CACNA1C: variants seen among roughly 807,000 people sequenced by gnomAD.
CACNA1C encodes the protein calcium voltage-gated channel subunit alpha1 C, also known as voltage-dependent L-type calcium channel subunit alpha-1C.
In CACNA1C, 30 loss-of-function variants were observed where a neutral mutation model predicts 229.0. The ratio of observed to expected loss-of-function variants is 0.13; its 90% CI spans 0.10 to 0.18. The LOEUF is 0.18. Ranked by LOEUF, CACNA1C falls within the 10% of genes least tolerant of loss-of-function variation. The pLI is 1.00. For synonymous variants in CACNA1C, 1,114 were observed against 1,132.5 expected, an observed-to-expected ratio of 0.98 and a Z score of 0.33; for missense variants, 1,658 against 2,845.0, an observed-to-expected ratio of 0.58 and a Z score of 9.49.
At chr12:2,142,585 G>T (rs1343596777) in intron 3 of CACNA1C, among the ~76,000 whole-genome samples, 2 of 151,362 alleles carry the variant, frequency 1.3e-5, no homozygotes, top group African/African-American at 4.8e-5. Flanking sequence ...GTAGCCATAA[G>T]AAGGCATTGT....
intron 1 of CACNA1C, among the ~76,000 whole-genome samples, chr12:2,003,714 C>T (rs988104422): frequency 3.3e-5 from 5 of 152,204 alleles, no homozygotes; most frequent in African/African-American, 1.2e-4. Flanking sequence ...CATCAGCTTC[C>T]TTCTAAGTGT....
intron 1 of CACNA1C, among the ~76,000 whole-genome samples, chr12:2,102,679 C>T (rs4765892): frequency 0.57 from 87,193 of 151,932 alleles, 26,195 homozygotes; most frequent in Non-Finnish European, 0.66. Context: ...TGGTTTGCTT[C>T]GCCCATCAAC....
Position 2,512,866 on chromosome 12 carries a change from G to T in CACNA1C, c.1272G>T (p.Leu424=), listed in dbSNP as rs781649145. The T allele has an allele frequency of 5.0e-6, 8 of 1,613,522 alleles. No individual in the cohort carries two copies. The highest frequency in any genetic ancestry group is 6.8e-6 in the Non-Finnish European group (8 of 1,179,698). ...AGGCCCGGGGAGATTTCCAGAAGCT[G>T]CGGGAGAAGCAGCAGCTAGAAGAGG... ...KAKARGDFQK[L]REKQQLEEDL... is the part of the protein sequence containing the mutation. The change falls in exon 9 of 47, where the codon CTG becomes CTT. Residue 424 remains leucine, a synonymous_variant. Coordinates refer to ENST00000399655, the MANE Select transcript of CACNA1C (RefSeq NM_000719.7). The surrounding 1 kb of genome is among the most constrained non-coding windows in gnomAD (Gnocchi z 4.3).
At chr12:2,456,553 T>C (rs1287763496) in intron 4 of CACNA1C, among the ~76,000 whole-genome samples, 3 of 152,192 alleles carry the variant, frequency 2.0e-5, no homozygotes, top group Non-Finnish European at 4.4e-5. Context: ...CTGCTGTTCC[T>C]CTAACGCACA....
At chr12:2,450,457 G>C (rs980282443) in intron 4 of CACNA1C, among the ~76,000 whole-genome samples, 3 of 148,838 alleles carry the variant, frequency 2.0e-5, no homozygotes, top group African/African-American at 5.0e-5. Flanking sequence ...GGGAGGCTGA[G>C]GCAGGAGAAT....
chr12:2,173,428 A>G (rs1014192744), intron 3 of CACNA1C, among the ~76,000 whole-genome samples: 2 of 152,238 alleles, frequency 1.3e-5, no homozygotes, highest in Non-Finnish European at 2.9e-5. Context: ...TTTATCATCC[A>G]AATTGGGATA....
chr12:2,091,540 A>G (rs146170680), intron 1 of CACNA1C, among the ~76,000 whole-genome samples: 7 of 152,294 alleles, frequency 4.6e-5, no homozygotes, highest in East Asian at 3.9e-4. Flanking sequence ...AAAGAGAACA[A>G]TGTAGCATCT....
intron 1 of CACNA1C, among the ~76,000 whole-genome samples, chr12:2,047,668 G>C (rs947073534): frequency 2.6e-5 from 4 of 152,222 alleles, no homozygotes; most frequent in Non-Finnish European, 5.9e-5. Context: ...AAGTAACCTG[G>C]TCACAGGTGG....
At position 2,504,315 on chromosome 12, in the gene CACNA1C, C is replaced by A; in HGVS notation, c.1114-527C>A. On this transcript the variant is annotated intron_variant, in intron 7 of 46. Transcript: ENST00000399655. The surrounding 1 kb of genome is among the most constrained non-coding windows in gnomAD (Gnocchi z 6.8). ...TGGGTAACACGGGTAACCTGGTGCA[C>A]ATGAACAAAGCCCACGTTCAGCCCC... The A allele has an allele frequency of 1.5e-6, 1 of 662,392 alleles. No homozygotes were observed. The highest frequency in any genetic ancestry group is 2.8e-6 in the Non-Finnish European group (1 of 360,906). 41.0% of individuals were successfully genotyped at this position (662,392 alleles called of 1,614,324 possible).
chr12:2,610,661 G>A lies in CACNA1C; in HGVS notation c.3679G>A (p.Val1227Ile), dbSNP rs373124557. The A allele has an allele frequency of 4.2e-5, 67 of 1,614,084 alleles. 1 individual carries two copies. Among genetic ancestry groups the A allele is most frequent in the African/African-American group, 9.3e-5 (7 of 74,924 alleles). The change falls in exon 28 of 47, where the codon GTC (valine) becomes ATC (isoleucine). Residue 1227 changes from valine to isoleucine, a missense_variant. This residue lies in a region of CACNA1C where 67 missense variants were observed against 106.4 expected (regional missense o/e 0.63). Transcript: ENST00000399655. The part of the protein sequence containing the change: ...NSTYFEYLMF[V>I]LILLNTICLA... ...CACCTACTTCGAGTACCTGATGTTC[G>A]TCCTCATCCTGCTCAACACCATCTG...
At chr12:2,207,399 T>C (rs2097783172) in intron 3 of CACNA1C, among the ~76,000 whole-genome samples, 1 of 152,246 alleles carries the variant, frequency 6.6e-6, no homozygotes, top group Non-Finnish European at 1.5e-5. Flanking sequence ...TACTATATAA[T>C]AGACATTATG....
chr12:2,153,601 TA>T (rs2095405503), intron 3 of CACNA1C, among the ~76,000 whole-genome samples: 1 of 152,162 alleles, frequency 6.6e-6, no homozygotes, highest in South Asian at 2.1e-4. Context: ...TAGTTTTGGC[TA>T]AGTCATGGGA....
chr12:2,253,970 C>T (rs2076497500), intron 3 of CACNA1C, among the ~76,000 whole-genome samples: 1 of 152,102 alleles, frequency 6.6e-6, no homozygotes, highest in Admixed American at 6.6e-5. Flanking sequence ...AGCAACAGTA[C>T]TGGGATCCAG....
intron 4 of CACNA1C, among the ~76,000 whole-genome samples, chr12:2,457,059 G>T (rs2099431158): frequency 6.6e-6 from 1 of 152,176 alleles, no homozygotes; most frequent in Non-Finnish European, 1.5e-5. Context: ...TCATTCATTT[G>T]CGCAGCACGC....
chr12:2,217,016 C>T (rs375745048), intron 3 of CACNA1C, among the ~76,000 whole-genome samples: 214 of 152,230 alleles, frequency 1.4e-3, no homozygotes, highest in Non-Finnish European at 2.7e-3. Flanking sequence ...AGTATTCATT[C>T]GTGGATAAAT....
At chr12:2,361,173 A>G (rs1197476457) in intron 3 of CACNA1C, among the ~76,000 whole-genome samples, 2 of 152,112 alleles carry the variant, frequency 1.3e-5, no homozygotes, top group East Asian at 3.8e-4. Context: ...GTACTTTAAA[A>G]AAAAAAAAAG....
chr12:2,553,882 C>T (rs950824741), intron 10 of CACNA1C, among the ~76,000 whole-genome samples: 1 of 152,206 alleles, frequency 6.6e-6, no homozygotes, highest in Non-Finnish European at 1.5e-5. Context: ...GGAGTGGAAG[C>T]AATTCTATGC....
intron 3 of CACNA1C, among the ~76,000 whole-genome samples, chr12:2,322,383 C>G (rs1053076098): frequency 6.6e-6 from 1 of 152,210 alleles, no homozygotes; most frequent in Admixed American, 6.5e-5. Flanking sequence ...CACATTGACT[C>G]TGGAGACTAC....
At chr12:2,378,009 A>G (rs898823025) in intron 3 of CACNA1C, among the ~76,000 whole-genome samples, 9 of 152,190 alleles carry the variant, frequency 5.9e-5, no homozygotes, top group African/African-American at 2.2e-4. Context: ...TCTTGAGCCT[A>G]GAAGAGGGTT....
Sources: allele counts gnomAD v4.1 joint callset (sites outside exome capture counted in the v4.1 genomes callset), GRCh38; gene constraint gnomAD v4.1.1; regional missense constraint gnomAD v4.1.1; non-coding constraint Gnocchi (gnomAD v3.1); transcripts MANE v1.5; gene names NCBI Gene and HGNC (gene_info 2026-07-23, HGNC 2026-07-21).